The following BTBD9 variants were observed in gnomAD, a reference collection of about 807,000 sequenced individuals.
BTBD9 encodes the protein BTB/POZ domain-containing protein 9.
BTBD9 carries 49 observed loss-of-function variants against 64.3 expected under a neutral mutation model. The observed-to-expected ratio is 0.76, with a 90% CI of 0.61 to 0.97. BTBD9 has a LOEUF of 0.97. Among genes scored for constraint, BTBD9 ranks in the 50% least tolerant of loss-of-function variants. The probability of loss-of-function intolerance (pLI) is 0.00; values close to 1 mark genes in which losing one functional copy is unlikely to be tolerated. For synonymous variants in BTBD9, 260 were observed against 274.7 expected (o/e 0.95, Z 0.53); for missense variants, 598 against 762.1 (o/e 0.78, Z 2.53).
At chr6:38,316,886 G>A (rs1036163473) in intron 7 of BTBD9, among the ~76,000 whole-genome samples, 1 of 152,158 alleles carries the variant, frequency 6.6e-6, no homozygotes. Context: ...TAGTGTTGAT[G>A]AAATCCCTCG....
chr6:38,208,968 A>G (rs1428022233), intron 9 of BTBD9, among the ~76,000 whole-genome samples: 1 of 152,216 alleles, frequency 6.6e-6, no homozygotes, highest in Admixed American at 6.5e-5. Context: ...CTAAGATCAA[A>G]AGTCGCACAT....
chr6:38,414,041 T>C (rs1023264129), intron 6 of BTBD9, among the ~76,000 whole-genome samples: 2 of 152,234 alleles, frequency 1.3e-5, no homozygotes, highest in African/African-American at 4.8e-5. Context: ...TATGCAGCTA[T>C]ATGCTCATTT....
At chr6:38,381,472 A>T (rs1400356672) in intron 6 of BTBD9, among the ~76,000 whole-genome samples, 1 of 152,216 alleles carries the variant, frequency 6.6e-6, no homozygotes, top group Non-Finnish European at 1.5e-5. Context: ...AAAAAGTAGC[A>T]AACTGAGAAA....
At chr6:38,592,324 T>C (rs899491295) in intron 4 of BTBD9, among the ~76,000 whole-genome samples, 1 of 152,172 alleles carries the variant, frequency 6.6e-6, no homozygotes, top group Admixed American at 6.5e-5. Context: ...ATTTCTGACA[T>C]TCTGGGGAGG....
chr6:38,623,841 A>G (rs144294606), intron 1 of BTBD9, among the ~76,000 whole-genome samples: 12,984 of 152,290 alleles, frequency 0.085, 689 homozygotes, highest in Middle Eastern at 0.18. Context: ...ATGGAACCCC[A>G]AATGAGCTCA....
Position 38,211,254 on chromosome 6 carries a change from C to G in BTBD9, c.1563-18657G>C, listed in dbSNP as rs375580989. Among the ~76,000 whole-genome samples the G allele has an allele frequency of 2.0e-3, 297 of 151,992 alleles. 3 individuals are homozygous for G. Among genetic ancestry groups the G allele is most frequent in the African/African-American group, 6.7e-3 (277 of 41,468 alleles). On this transcript the variant is annotated intron_variant, in intron 9 of 10. Coordinates refer to ENST00000481247, the MANE Select transcript of BTBD9 (RefSeq NM_001099272.2). The stretch of plus-strand genomic sequence containing the variant: ...ACCATCCTGGCTAACACGGTGAAAC[C>G]CCGTCTCTTCTAAAAATACAAAAAA...
At chr6:38,630,269 T>C (rs993316872) in intron 1 of BTBD9, among the ~76,000 whole-genome samples, 17 of 152,154 alleles carry the variant, frequency 1.1e-4, no homozygotes, top group Admixed American at 6.5e-5. Context: ...GCTGGTTTTT[T>C]GTTTTGTTTC....
chr6:38,360,912 T>C lies in BTBD9; in HGVS notation c.1155-15819A>G, dbSNP rs62397032. 8.7e-3 allele frequency among the ~76,000 whole-genome samples: 1,320 copies of C among 152,338 alleles called. 9 individuals are homozygous for C. Among genetic ancestry groups the C allele is most frequent in the Non-Finnish European group, 0.015 (1,001 of 68,030 alleles). ...AATTGATTTTAGCAAGTTTAAATGC[T>C]GCAAAGGGAAAGAGCCAAGAGCAAA... On this transcript the variant is annotated intron_variant, in intron 6 of 10. Coordinates refer to ENST00000481247, the MANE Select transcript of BTBD9 (RefSeq NM_001099272.2).
Position 38,594,334 on chromosome 6 carries a change from A to C in BTBD9, c.186-7T>G. Reference sequence around the variant, plus strand: ...TCCACCATATAATAATGCTCTGCACATCAGGGAAGAAACACATGAAGAAAC... The same window carrying C: ...TCCACCATATAATAATGCTCTGCACCTCAGGGAAGAAACACATGAAGAAAC... On this transcript the variant is annotated splice_polypyrimidine_tract_variant and splice_region_variant and intron_variant, in intron 2 of 10. Coordinates refer to ENST00000481247, the MANE Select transcript of BTBD9 (RefSeq NM_001099272.2). 1 of 1,582,080 alleles carries C rather than the reference A, an allele frequency of 6.3e-7. No homozygotes were observed. Among genetic ancestry groups the C allele is most frequent in the Non-Finnish European group, 8.6e-7 (1 of 1,162,534 alleles).
chr6:38,581,379 C>T (rs1776278546), intron 4 of BTBD9, among the ~76,000 whole-genome samples: 2 of 152,230 alleles, frequency 1.3e-5, no homozygotes, highest in South Asian at 4.2e-4. Flanking sequence ...ATTAATCTAG[C>T]TTATAAAACA....
Position 38,438,872 on chromosome 6 carries a change from C to T in BTBD9, c.1155-93779G>A, listed in dbSNP as rs544058781. On this transcript the variant is annotated intron_variant, in intron 6 of 10. Transcript: ENST00000481247. ...CCTTACTAAGGCCTTACTGAGAAAA[C>T]GGAATAGAAGTGGAGGCCTGAAGGG... 8.8e-4 allele frequency among the ~76,000 whole-genome samples: 134 copies of T among 152,106 alleles called. 1 individual carries two copies. The highest frequency in any genetic ancestry group is 3.1e-3 in the African/African-American group (128 of 41,486).
chr6:38,193,871 T>C (rs1238963003), intron 9 of BTBD9: 8 of 983,646 alleles, frequency 8.1e-6, no homozygotes, highest in Non-Finnish European at 9.7e-6. Context: ...AACCTCCCAC[T>C]GAGATTGATT....
intron 6 of BTBD9, among the ~76,000 whole-genome samples, chr6:38,415,897 A>C (rs1209846443): frequency 6.6e-6 from 1 of 152,032 alleles, no homozygotes; most frequent in African/African-American, 2.4e-5. Context: ...TATTTCTTCA[A>C]ATGGCTCCTC....
At chr6:38,432,785 A>T (rs188782725) in intron 6 of BTBD9, among the ~76,000 whole-genome samples, 3 of 152,014 alleles carry the variant, frequency 2.0e-5, no homozygotes, top group African/African-American at 7.3e-5. Flanking sequence ...TACATCGCCA[A>T]TCAGCAGCAT....
intron 6 of BTBD9, among the ~76,000 whole-genome samples, chr6:38,572,722 G>A (rs1242438582): frequency 6.7e-6 from 1 of 150,236 alleles, no homozygotes; most frequent in Non-Finnish European, 1.5e-5. Context: ...AAAGATCTAT[G>A]CAAAATATCC....
rs148963760 is a variant in BTBD9 at position 38,505,747 on chromosome 6, A to T, written c.1154+71853T>A. 1.0e-3 allele frequency among the ~76,000 whole-genome samples: 157 copies of T among 151,962 alleles called. 4 individuals are homozygous for T. In the East Asian group the frequency reaches 0.016, roughly 15 times the overall value. ...TTTGGGAGGCTGAGGTGGACAGATC[A>T]CAAGGTCAGGAGTTCGAGACCAGAC... is the stretch of plus-strand genomic sequence containing the variant. On this transcript the variant is annotated intron_variant, in intron 6 of 10. Coordinates refer to ENST00000481247, the MANE Select transcript of BTBD9 (RefSeq NM_001099272.2).
intron 6 of BTBD9, among the ~76,000 whole-genome samples, chr6:38,475,026 T>A (rs1770816362): frequency 6.6e-6 from 1 of 152,170 alleles, no homozygotes; most frequent in South Asian, 2.1e-4. Context: ...CTCTATATAA[T>A]GAAACACTAT....
chr6:38,314,679 CAGG>C (rs1762969291), intron 7 of BTBD9, among the ~76,000 whole-genome samples: 1 of 151,820 alleles, frequency 6.6e-6, no homozygotes, highest in African/African-American at 2.4e-5. Flanking sequence ...TTGGTCTGTT[CAGG>C]TTTTGGATTT....
At chr6:38,482,126 TG>T (rs942202476) in intron 6 of BTBD9, 3 of 152,244 alleles carry the variant, frequency 2.0e-5, no homozygotes, top group African/African-American at 7.2e-5. Context: ...CCTGTCAAAT[TG>T]TTCTCACTCG....
Sources: gnomAD v4.1 joint callset for allele counts (sites outside exome capture counted in the v4.1 genomes callset) on GRCh38, gnomAD v4.1.1 for gene constraint, MANE v1.5 for transcripts, NCBI Gene and HGNC (gene_info 2026-07-23, HGNC 2026-07-21) for gene names.